CACNA2D1: variants seen among roughly 807,000 people sequenced by gnomAD.
The protein encoded by CACNA2D1 is voltage-dependent calcium channel subunit alpha-2/delta-1.
In CACNA2D1, 53 loss-of-function variants were observed where a neutral mutation model predicts 171.5. The ratio of observed to expected loss-of-function variants is 0.31; its 90% CI spans 0.25 to 0.39. CACNA2D1 has a LOEUF of 0.39. Among genes scored for constraint, CACNA2D1 ranks in the 10% least tolerant of loss-of-function variants. The probability of loss-of-function intolerance (pLI) is 1.00; values close to 1 mark genes in which losing one functional copy is unlikely to be tolerated. For synonymous variants in CACNA2D1, 442 were observed against 443.1 expected (o/e 1.00, Z 0.03); for missense variants, 903 against 1,299.8 (o/e 0.69, Z 4.69).
At chr7:82,150,773 G>A (rs867498762) in intron 4 of CACNA2D1, among the ~76,000 whole-genome samples, 2 of 151,992 alleles carry the variant, frequency 1.3e-5, no homozygotes, top group Non-Finnish European at 2.9e-5. Context: ...TTTTTATAGG[G>A]CATAGATTAC....
intron 1 of CACNA2D1, among the ~76,000 whole-genome samples, chr7:82,415,491 C>T (rs2007111): frequency 0.66 from 100,840 of 151,646 alleles, 35,147 homozygotes; most frequent in African/African-American, 0.88. Context: ...GATCACGCCA[C>T]TGCACTCTAG....
intron 1 of CACNA2D1, among the ~76,000 whole-genome samples, chr7:82,403,462 C>T (rs903969710): frequency 6.6e-6 from 1 of 152,184 alleles, no homozygotes; most frequent in Non-Finnish European, 1.5e-5. Flanking sequence ...AGTTCTCTTT[C>T]TCTCCAATTG....
chr7:82,411,289 T>C (rs1827620444), intron 1 of CACNA2D1, among the ~76,000 whole-genome samples: 1 of 152,224 alleles, frequency 6.6e-6, no homozygotes, highest in Admixed American at 6.5e-5. Context: ...ACCTGAGTTA[T>C]AGCCCTGCCC....
chr7:82,184,836 AAAG>A, intron 3 of CACNA2D1, among the ~76,000 whole-genome samples: 1 of 152,332 alleles, frequency 6.6e-6, no homozygotes, highest in Non-Finnish European at 1.5e-5. Context: ...AATGAGAAAT[AAAG>A]AAGGGCTGAT....
chr7:82,312,536 CAAG>C (rs1231508657), intron 3 of CACNA2D1, among the ~76,000 whole-genome samples: 1 of 116,982 alleles, frequency 8.5e-6, no homozygotes, highest in African/African-American at 3.4e-5. Context: ...TTTTTTGAGA[CAAG>C]AGTCTTACTC....
intron 12 of CACNA2D1, among the ~76,000 whole-genome samples, chr7:82,017,474 A>C (rs1430837036): frequency 1.3e-5 from 2 of 152,118 alleles, no homozygotes; most frequent in African/African-American, 4.8e-5. Context: ...TGTGTACACA[A>C]CTTTCCACTT....
At chr7:82,243,890 T>A (rs188848350) in intron 3 of CACNA2D1, among the ~76,000 whole-genome samples, 5 of 152,324 alleles carry the variant, frequency 3.3e-5, no homozygotes, top group Admixed American at 6.5e-5. Context: ...TACTTAAAGG[T>A]CAAAATTTCC....
chr7:82,089,945 TCTTA>T (rs1810941781), intron 6 of CACNA2D1, among the ~76,000 whole-genome samples: 2 of 152,194 alleles, frequency 1.3e-5, no homozygotes, highest in Admixed American at 6.5e-5. Context: ...ATTTGAAGAA[TCTTA>T]CTGTTATTTA....
chr7:82,268,139 T>C (rs1044863017), intron 3 of CACNA2D1, among the ~76,000 whole-genome samples: 1 of 152,270 alleles, frequency 6.6e-6, no homozygotes, highest in African/African-American at 2.4e-5. Context: ...AAGAAAAATC[T>C]ACGTTTGGCA....
chr7:81,978,131 T>C (rs1270819542), intron 24 of CACNA2D1, among the ~76,000 whole-genome samples: 1 of 152,180 alleles, frequency 6.6e-6, no homozygotes, highest in Non-Finnish European at 1.5e-5. Flanking sequence ...GCTTTTACAC[T>C]GTTGGTGGGA....
chr7:81,996,560 T>C (rs1798067194), intron 19 of CACNA2D1, among the ~76,000 whole-genome samples: 1 of 151,896 alleles, frequency 6.6e-6, no homozygotes, highest in Non-Finnish European at 1.5e-5. Context: ...AAATGTATCA[T>C]CAGTACAACA....
chr7:82,402,705 CAAAAAAAAA>C (rs59290672), intron 1 of CACNA2D1, among the ~76,000 whole-genome samples: 3 of 64,826 alleles, frequency 4.6e-5, no homozygotes, highest in East Asian at 5.0e-4. Flanking sequence ...GACTCTGTCT[CAAAAAAAAA>C]AAAAAAAAAA....
intron 3 of CACNA2D1, among the ~76,000 whole-genome samples, chr7:82,210,935 A>T (rs1040804882): frequency 6.6e-6 from 1 of 152,214 alleles, no homozygotes; most frequent in African/African-American, 2.4e-5. Context: ...TAATATATGC[A>T]GTAGAAAAAA....
chr7:82,008,130 T>C (rs915974920), intron 15 of CACNA2D1, among the ~76,000 whole-genome samples: 2 of 152,138 alleles, frequency 1.3e-5, no homozygotes, highest in African/African-American at 4.8e-5. Context: ...AGAGTGATAA[T>C]AAAATATTAT....
At chr7:82,094,480 A>G (rs1458041134) in intron 6 of CACNA2D1, among the ~76,000 whole-genome samples, 1 of 152,170 alleles carries the variant, frequency 6.6e-6, no homozygotes, top group Non-Finnish European at 1.5e-5. Flanking sequence ...AAAAATCAAT[A>G]TTGTTAGTAT....
At chr7:82,207,478 C>A (rs1205150449) in intron 3 of CACNA2D1, among the ~76,000 whole-genome samples, 1 of 151,748 alleles carries the variant, frequency 6.6e-6, no homozygotes, top group Admixed American at 6.6e-5. Context: ...TTTCATTTAA[C>A]AATTATCCTA....
chr7:82,443,282 C>A, intron 1 of CACNA2D1, 83 bp downstream of exon 1: 1 of 1,391,596 alleles, frequency 7.2e-7, no homozygotes, highest in South Asian at 1.3e-5. Flanking sequence ...GGCGGAAAAG[C>A]CCCGCGACTC....
At chr7:82,303,060 C>A (rs1813234294) in intron 3 of CACNA2D1, among the ~76,000 whole-genome samples, 1 of 152,106 alleles carries the variant, frequency 6.6e-6, no homozygotes, top group Non-Finnish European at 1.5e-5. Flanking sequence ...GTGGTGCGAT[C>A]TCGGCTCACT....
chr7:82,393,061 G>GGAA (rs1256668945), intron 1 of CACNA2D1, among the ~76,000 whole-genome samples: 2 of 119,480 alleles, frequency 1.7e-5, no homozygotes, highest in Admixed American at 1.7e-4. Context: ...AAGGAAGGAA[G>GGAA]GAAGGAAGGA....
Sources: gnomAD v4.1 joint callset for allele counts (sites outside exome capture counted in the v4.1 genomes callset) on GRCh38, gnomAD v4.1.1 for gene constraint, MANE v1.5 for transcripts, NCBI Gene and HGNC (gene_info 2026-07-23, HGNC 2026-07-21) for gene names.